Variants in DEK observed in about 807,000 individuals in gnomAD.
DEK encodes protein DEK.
Under a neutral mutation model 46.8 loss-of-function variants are expected in DEK, and 28 were observed. The observed-to-expected ratio is 0.60, with a 90% CI of 0.44 to 0.82. DEK has a LOEUF of 0.82. Ranked by LOEUF, DEK falls within the 40% of genes least tolerant of loss-of-function variation. The pLI, the probability that DEK is intolerant of heterozygous loss-of-function variation, is 0.00. For synonymous variants in DEK, 160 were observed against 144.5 expected, an observed-to-expected ratio of 1.11 and a Z score of -0.77; for missense variants, 416 against 430.6, an observed-to-expected ratio of 0.97 and a Z score of 0.30.
At chr6:18,241,634 T>C (rs749146304) in intron 7 of DEK, among the ~76,000 whole-genome samples, 1 of 152,236 alleles carries the variant, frequency 6.6e-6, no homozygotes, top group African/African-American at 2.4e-5. Flanking sequence ...CATCTAGCTA[T>C]ACCACATAAA....
chr6:18,242,485 A>T (rs1790933166), intron 7 of DEK, among the ~76,000 whole-genome samples: 1 of 152,188 alleles, frequency 6.6e-6, no homozygotes, highest in African/African-American at 2.4e-5. Context: ...CCAGAAGTAA[A>T]CAACTCATAA....
At chr6:18,229,941 C>T (rs557018787) in intron 9 of DEK, among the ~76,000 whole-genome samples, 462 of 152,178 alleles carry the variant, frequency 3.0e-3, no homozygotes, top group Non-Finnish European at 5.4e-3. Context: ...TTCACCAAAG[C>T]TGAAATGAAG....
chr6:18,232,487 CCTT>C (rs1259957601), intron 9 of DEK, among the ~76,000 whole-genome samples: 15 of 152,294 alleles, frequency 9.8e-5, no homozygotes, highest in Admixed American at 6.5e-4. Flanking sequence ...CCCAAAATCT[CCTT>C]AAGCTGATAA....
Position 18,264,008 on chromosome 6 carries a change from A to G in DEK, c.-9-12T>C, listed in dbSNP as rs1791996065. ...GACATGCTGTGAACCTGCATGCGGG[A>G]AGAAAGCCGGACGTCTCGGTCCTCC... On this transcript the variant is annotated splice_polypyrimidine_tract_variant and intron_variant, in intron 1 of 10. Coordinates refer to ENST00000652689, the MANE Select transcript of DEK (RefSeq NM_003472.4). 1.9e-6 allele frequency: 3 copies of G among 1,589,656 alleles called. No individual in the cohort carries two copies. The highest frequency in any genetic ancestry group is 2.7e-5 in the African/African-American group (2 of 73,692).
intron 9 of DEK, among the ~76,000 whole-genome samples, chr6:18,229,585 A>G (rs1790311368): frequency 6.6e-6 from 1 of 152,230 alleles, no homozygotes; most frequent in African/African-American, 2.4e-5. Flanking sequence ...ATGCATGCAC[A>G]AGCTTCAGTA....
At chr6:18,249,310 GA>G (rs1460652314) in intron 7 of DEK, among the ~76,000 whole-genome samples, 2 of 151,946 alleles carry the variant, frequency 1.3e-5, no homozygotes, top group African/African-American at 2.4e-5. Context: ...AATATATTAC[GA>G]AAAAAATCCT....
In DEK at chr6:18,263,900, C is replaced by T. The variant is rs1006931192; in HGVS notation, c.88G>A (p.Glu30Lys). Reference sequence around the variant, plus strand: ...TCGTCCTCTTCCTCCTCGCTCTCCTCTCTGGGACCGGGCATTTCGGGTTCT... The same window carrying T: ...TCGTCCTCTTCCTCCTCGCTCTCCTTTCTGGGACCGGGCATTTCGGGTTCT... The part of the protein sequence containing the change: ...EKEPEMPGPR[E>K]ESEEEEDEDD... The change falls in exon 2 of 11, where the codon GAG becomes AAG. Residue 30 changes from glutamate (E) to lysine (K), a missense_variant. By Grantham distance (56) the Glu-to-Lys change is moderately conservative. Coordinates refer to ENST00000652689, the MANE Select transcript of DEK (RefSeq NM_003472.4). The T allele has an allele frequency of 6.2e-7, 1 of 1,612,648 alleles. No individual in the cohort carries two copies. Among genetic ancestry groups the T allele is most frequent in the Non-Finnish European group, 8.5e-7 (1 of 1,179,360 alleles).
chr6:18,258,384 C>G lies in DEK; in HGVS notation c.167G>C (p.Gly56Ala). 1 of 1,612,630 alleles carries G rather than the reference C, an allele frequency of 6.2e-7. No individual in the cohort carries two copies. The highest frequency in any genetic ancestry group is 8.5e-7 in the Non-Finnish European group (1 of 1,179,336). ...EEKEKSLIVE[G>A]KREKKKVERL... ...CTCTACTTTTTTCTTTTCCCTCTTG[C>G]CTTCCACGATGAGACTCTTTTCTAG... The change falls in exon 3 of 11, where the codon GGC (glycine) becomes GCC (alanine). Residue 56 changes from glycine (G) to alanine (A), a missense_variant. By Grantham distance (60) the Gly-to-Ala change is moderately conservative. Coordinates refer to ENST00000652689, the MANE Select transcript of DEK (RefSeq NM_003472.4).
chr6:18,255,571 T>C (rs1308807493), intron 6 of DEK, among the ~76,000 whole-genome samples, 160 bp downstream of exon 6: 1 of 152,228 alleles, frequency 6.6e-6, no homozygotes, highest in Non-Finnish European at 1.5e-5. Context: ...TCTATATTAT[T>C]TCTATCAGGA....
At chr6:18,261,550 A>G (rs1791868387) in intron 2 of DEK, among the ~76,000 whole-genome samples, 1 of 152,172 alleles carries the variant, frequency 6.6e-6, no homozygotes, top group African/African-American at 2.4e-5. Flanking sequence ...CAGCCTGGGC[A>G]ACGAGAGCGA....
In DEK at chr6:18,224,018, TG is replaced by T. The variant is rs763193870; in HGVS notation, c.*1700del. 38 of 155,224 alleles carry T rather than the reference TG, an allele frequency of 2.4e-4. No individual in the cohort carries two copies. The highest frequency in any genetic ancestry group is 5.1e-4 in the Non-Finnish European group (36 of 69,940). The allele number at this position is 155,224 out of a possible 1,614,324, so 9.6% of individuals were successfully genotyped here. On this transcript the variant is annotated 3_prime_UTR_variant, in exon 11 of 11. Transcript: ENST00000652689. ...AATTAACCTTAATTATTCAGTTTTG[TG>T]AAGTCACTCCAAGAAAATGGTCCAT...
intron 9 of DEK, among the ~76,000 whole-genome samples, chr6:18,226,945 G>C (rs1319776800): frequency 6.6e-6 from 1 of 152,192 alleles, no homozygotes; most frequent in African/African-American, 2.4e-5. Context: ...TGCAAGATGT[G>C]CTTTGTTAAA....
At chr6:18,262,294 CAAAA>C (rs528582239) in intron 2 of DEK, among the ~76,000 whole-genome samples, 1 of 108,520 alleles carries the variant, frequency 9.2e-6, no homozygotes, top group Non-Finnish European at 2.0e-5. Flanking sequence ...TATAGTAACG[CAAAA>C]AAAAAAAAAA....
In DEK at chr6:18,239,034, C is replaced by T. The variant is rs190396491; in HGVS notation, c.763-1518G>A. Among the ~76,000 whole-genome samples the T allele has an allele frequency of 7.0e-3, 1,063 of 152,200 alleles. 15 individuals carry two copies. The highest frequency in any genetic ancestry group is 7.0e-3 in the Non-Finnish European group (473 of 68,006). On this transcript the variant is annotated intron_variant, in intron 7 of 10. Coordinates refer to ENST00000652689, the MANE Select transcript of DEK (RefSeq NM_003472.4). ...CTGCCTCCCGGGTTCAAGTGATTCT[C>T]CTGCCTCAGCCTCTTGAGTAGCTGG...
chr6:18,239,821 T>C (rs1324986803), intron 7 of DEK, among the ~76,000 whole-genome samples: 1 of 152,230 alleles, frequency 6.6e-6, no homozygotes, highest in Non-Finnish European at 1.5e-5. Flanking sequence ...ACCCAGTTCA[T>C]GTGAACTATA....
chr6:18,249,394 T>C (rs1791265205), intron 7 of DEK, among the ~76,000 whole-genome samples: 1 of 152,186 alleles, frequency 6.6e-6, no homozygotes, highest in African/African-American at 2.4e-5. Flanking sequence ...TTATCTACTC[T>C]AGTCTTCAAC....
intron 2 of DEK, among the ~76,000 whole-genome samples, chr6:18,262,212 T>G (rs1025419385): frequency 6.6e-6 from 1 of 152,002 alleles, no homozygotes; most frequent in Non-Finnish European, 1.5e-5. Context: ...CCATGCTTCT[T>G]GTACTGTCTG....
chr6:18,236,457 T>A lies in DEK; in HGVS notation c.1042A>T (p.Lys348Ter). 6.2e-7 allele frequency: 1 copy of A among 1,610,722 alleles called. No individual in the cohort carries two copies. The highest frequency in any genetic ancestry group is 8.5e-7 in the Non-Finnish European group (1 of 1,178,996). The stretch of plus-strand genomic sequence containing the variant: ...CTAAACATTTGTCTAATTACCTTTT[T>A]GCAAATCTGTTTCATTGTGACTTCT... ...LEEVTMKQIC[K>*]KVYENYPTYD... Residue 348 changes from lysine (K) to a stop codon, truncating the protein, a stop_gained, in exon 9 of 11, where the codon AAA (lysine) becomes TAA (stop). Transcript: ENST00000652689. LOFTEE classifies it high-confidence loss of function.
At chr6:18,244,361 A>G (rs984145603) in intron 7 of DEK, 7 of 348,046 alleles carry the variant, frequency 2.0e-5, no homozygotes, top group African/African-American at 1.3e-4. Flanking sequence ...TATAACCTAA[A>G]TTTTTAAAGG....
Sources: allele counts gnomAD v4.1 joint callset (sites outside exome capture counted in the v4.1 genomes callset), GRCh38; gene constraint gnomAD v4.1.1; transcripts MANE v1.5; gene names NCBI Gene and HGNC (gene_info 2026-07-23, HGNC 2026-07-21).